SCN3B: variants seen among roughly 807,000 people sequenced by gnomAD.
SCN3B encodes sodium voltage-gated channel beta subunit 3.
Under a neutral mutation model 25.4 loss-of-function variants are expected in SCN3B, and 11 were observed. The ratio of observed to expected loss-of-function variants is 0.43; its 90% CI spans 0.27 to 0.72. The LOEUF (loss-of-function observed/expected upper bound fraction) is 0.72. Among genes scored for constraint, SCN3B ranks in the 30% least tolerant of loss-of-function variants. The probability of loss-of-function intolerance (pLI) is 0.18; values close to 1 mark genes in which losing one functional copy is unlikely to be tolerated. For synonymous variants in SCN3B, 109 were observed against 110.7 expected (o/e 0.99, Z 0.09); for missense variants, 218 against 278.3 (o/e 0.78, Z 1.54).
chr11:123,637,832 A>T (rs1453285113), intron 5 of SCN3B, among the ~76,000 whole-genome samples: 2 of 152,142 alleles, frequency 1.3e-5, no homozygotes, highest in Non-Finnish European at 2.9e-5. Context: ...ATGCCCAGCC[A>T]TAATAATATT....
At chr11:123,648,917 G>T (rs1167765164) in intron 2 of SCN3B, among the ~76,000 whole-genome samples, 1 of 152,180 alleles carries the variant, frequency 6.6e-6, no homozygotes, top group Non-Finnish European at 1.5e-5. Flanking sequence ...TAGAACCTTG[G>T]CATTTGCTTA....
At chr11:123,646,807 C>T (rs1452250363) in intron 2 of SCN3B, among the ~76,000 whole-genome samples, 1 of 152,078 alleles carries the variant, frequency 6.6e-6, no homozygotes. Context: ...AGGAAGGAGG[C>T]GTAGTTTCTC....
chr11:123,645,427 G>A (rs563308988), intron 3 of SCN3B, among the ~76,000 whole-genome samples, 160 bp downstream of exon 3: 1 of 152,224 alleles, frequency 6.6e-6, no homozygotes, highest in South Asian at 2.1e-4. Flanking sequence ...ACAGAAGCTG[G>A]GGCTTCACTA....
chr11:123,648,944 C>T (rs11219215), intron 2 of SCN3B, among the ~76,000 whole-genome samples: 23,892 of 152,014 alleles, frequency 0.16, 1,969 homozygotes, highest in Admixed American at 0.22. Context: ...ATGGCATTTG[C>T]ATGGAGCAGC....
chr11:123,642,479 T>C lies in SCN3B; in HGVS notation c.412A>G (p.Thr138Ala), dbSNP rs1955803654. 1 of 1,613,860 alleles carries C rather than the reference T, an allele frequency of 6.2e-7. No individual in the cohort carries two copies. The highest frequency in any genetic ancestry group is 8.5e-7 in the Non-Finnish European group (1 of 1,179,944). ...FEAHRPFVKT[T>A]RLIPLRVTEE... ...GTGACTCTTAGGGGGATCAGCCGCG[T>C]CGTCTTCACAAAGGGCCGATGCGCC... Residue 138 changes from threonine to alanine, a missense_variant, in exon 4 of 7, where the codon ACG becomes GCG. Transcript: ENST00000299333. This position sits in a 1 kb window ranked among gnomAD's most constrained non-coding sequence, Gnocchi z 4.3.
intron 2 of SCN3B, among the ~76,000 whole-genome samples, chr11:123,649,418 A>C (rs182726426): frequency 7.2e-5 from 11 of 152,248 alleles, no homozygotes; most frequent in Non-Finnish European, 1.5e-4. Context: ...GTCAAAATCT[A>C]GTTTCAGGGC....
Position 123,629,544 on chromosome 11 carries a change from G to T in SCN3B, c.*4255C>A, listed in dbSNP as rs1410940958. ...TGCAAACTCAACTAAGGGGGAGGAA[G>T]TGGGCTGAACTAATCATGAGCTGTC... On this transcript the variant is annotated 3_prime_UTR_variant, in exon 7 of 7. Coordinates refer to ENST00000299333, the MANE Select transcript of SCN3B (RefSeq NM_001040151.2). 2 of 152,330 alleles carry T rather than the reference G, an allele frequency of 1.3e-5. No individual in the cohort carries two copies. Among genetic ancestry groups the T allele is most frequent in the Admixed American group, 1.3e-4 (2 of 15,288 alleles). 9.4% of individuals were successfully genotyped at this position (152,330 alleles called of 1,614,324 possible).
chr11:123,652,398 C>T (rs1003629377), intron 2 of SCN3B, among the ~76,000 whole-genome samples: 31 of 152,204 alleles, frequency 2.0e-4, no homozygotes, highest in Non-Finnish European at 4.3e-4. Flanking sequence ...TAGTCCGTCT[C>T]ATCAGGCATT....
At chr11:123,648,959 G>A (rs1955887209) in intron 2 of SCN3B, among the ~76,000 whole-genome samples, 2 of 151,332 alleles carry the variant, frequency 1.3e-5, no homozygotes, top group Admixed American at 1.3e-4. Context: ...AGCAGCAGAA[G>A]GTTCTGAGAG....
intron 2 of SCN3B, among the ~76,000 whole-genome samples, chr11:123,648,610 G>A (rs180879353): frequency 6.6e-6 from 1 of 152,294 alleles, no homozygotes; most frequent in East Asian, 1.9e-4. Context: ...AAATAAAACA[G>A]GAGAGAGTGT....
rs72552144 is a variant in SCN3B, at chr11:123,642,476, GCGT to G, written c.412_414del (p.Thr138del). 29 of 1,614,090 alleles carry G rather than the reference GCGT, an allele frequency of 1.8e-5. No homozygotes were observed. Among genetic ancestry groups the G allele is most frequent in the Non-Finnish European group, 2.5e-5 (29 of 1,180,022 alleles). ...TCGGTGACTCTTAGGGGGATCAGCC[GCGT>G]CGTCTTCACAAAGGGCCGATGCGCC... On this transcript the variant is annotated inframe_deletion, in exon 4 of 7. Coordinates refer to ENST00000299333, the MANE Select transcript of SCN3B (RefSeq NM_001040151.2). The surrounding 1 kb of genome is among the most constrained non-coding windows in gnomAD (Gnocchi z 4.3).
At chr11:123,648,663 A>C (rs534486517) in intron 2 of SCN3B, among the ~76,000 whole-genome samples, 2 of 152,316 alleles carry the variant, frequency 1.3e-5, no homozygotes, top group African/African-American at 4.8e-5. Context: ...AGAAGGTATC[A>C]TTGAGCAGGC....
chr11:123,632,417 T>A lies in SCN3B; in HGVS notation c.*1382A>T, dbSNP rs1315869060. On this transcript the variant is annotated 3_prime_UTR_variant, in exon 7 of 7. Transcript: ENST00000299333. ...GCCAATTTCTAGTCATCTGAATCTA[T>A]CAGAGTTGACCTCAGCCCAGTCCGT... 6.6e-6 allele frequency: 1 copy of A among 152,212 alleles called. No homozygotes were observed. Among genetic ancestry groups the A allele is most frequent in the Non-Finnish European group, 1.5e-5 (1 of 68,046 alleles). The allele number at this position is 152,212 out of a possible 1,614,324, so 9.4% of individuals were successfully genotyped here.
Position 123,630,557 on chromosome 11 carries a change from C to T in SCN3B, c.*3242G>A, listed in dbSNP as rs886047889. The T allele has an allele frequency of 1.3e-5, 2 of 152,516 alleles. No individual in the cohort carries two copies. Among genetic ancestry groups the T allele is most frequent in the African/African-American group, 2.4e-5 (1 of 41,390 alleles). The allele number at this position is 152,516 out of a possible 1,614,324, so 9.4% of individuals were successfully genotyped here. A position where few individuals can be genotyped will look rare whatever the true frequency, so the allele number is the denominator to read the frequency against. On this transcript the variant is annotated 3_prime_UTR_variant, in exon 7 of 7. Transcript: ENST00000299333. ...AAACAGACATCTAGTCTGGGTCTTT[C>T]GTAGGATTATGGGAAGAGACAGGGA... is the stretch of plus-strand genomic sequence containing the variant.
intron 3 of SCN3B, 68 bp downstream of exon 3, chr11:123,645,519 T>C: frequency 6.5e-7 from 1 of 1,531,322 alleles, no homozygotes; most frequent in Non-Finnish European, 9.1e-7. Flanking sequence ...TCCCCCGGAC[T>C]GTCAGGAGCC....
chr11:123,653,568 C>T (rs1022029098), intron 2 of SCN3B, among the ~76,000 whole-genome samples, 179 bp downstream of exon 2: 4 of 152,036 alleles, frequency 2.6e-5, no homozygotes, highest in African/African-American at 9.7e-5. Context: ...GGTGGGGAGG[C>T]GCCTTTCCCA....
intron 4 of SCN3B, chr11:123,639,647 G>A (rs574035680): frequency 6.6e-6 from 1 of 152,264 alleles, no homozygotes; most frequent in East Asian, 1.9e-4. Flanking sequence ...CAACGTGCTG[G>A]GATTACAGGC....
intron 2 of SCN3B, among the ~76,000 whole-genome samples, chr11:123,649,928 T>C (rs758060618): frequency 1.8e-4 from 28 of 152,152 alleles, no homozygotes; most frequent in Admixed American, 4.6e-4. Context: ...AGTCTCAAAC[T>C]TCTGACCTCA....
intron 5 of SCN3B, among the ~76,000 whole-genome samples, chr11:123,634,601 G>T (rs1328353185): frequency 6.6e-6 from 1 of 152,176 alleles, no homozygotes; most frequent in Non-Finnish European, 1.5e-5. Flanking sequence ...AACTAGCCTG[G>T]CATGGTGGCA....
Sources: gnomAD v4.1 joint callset for allele counts (sites outside exome capture counted in the v4.1 genomes callset) on GRCh38, gnomAD v4.1.1 for gene constraint, Gnocchi (gnomAD v3.1) non-coding constraint, MANE v1.5 for transcripts, NCBI Gene and HGNC (gene_info 2026-07-23, HGNC 2026-07-21) for gene names.